CHPT1: variants seen among roughly 807,000 people sequenced by gnomAD.
CHPT1 encodes cholinephosphotransferase 1.
A neutral mutation model predicts 47.6 loss-of-function variants in CHPT1; 36 were observed. The ratio of observed to expected loss-of-function variants is 0.76; its 90% CI spans 0.58 to 1.00. The LOEUF (loss-of-function observed/expected upper bound fraction) is 1.00, where lower values mean the gene tolerates loss of function less well. CHPT1 is among the 50% of genes least tolerant of loss of function. CHPT1 has a pLI of 0.00. For missense variants in CHPT1, 458 were observed against 498.1 expected, an observed-to-expected ratio of 0.92 and a Z score of 0.77; for synonymous variants, 194 against 186.3, an observed-to-expected ratio of 1.04 and a Z score of -0.33.
intron 5 of CHPT1, among the ~76,000 whole-genome samples, chr12:101,721,426 T>C (rs1326385968): frequency 6.6e-6 from 1 of 152,230 alleles, no homozygotes; most frequent in Non-Finnish European, 1.5e-5. Context: ...ACATTAGATA[T>C]AGCATTTTTA....
At position 101,697,964 on chromosome 12, in the gene CHPT1, A is replaced by G; in HGVS notation, c.103A>G (p.Ser35Gly). The change falls in exon 1 of 9, where the codon AGC (serine) becomes GGC (glycine). Residue 35 changes from serine to glycine, a missense_variant. Ser to Gly is a moderately conservative substitution (Grantham distance 56, BLOSUM62 0). Coordinates refer to ENST00000229266, the MANE Select transcript of CHPT1 (RefSeq NM_020244.3). ...QLRRLEEHRY[S>G]AAGVSLLEPP... Reference sequence around the variant, plus strand: ...GCGGCGACTGGAGGAGCACCGCTACAGCGCGGCGGGCGTCTCGCTGCTCGA... The same window carrying G: ...GCGGCGACTGGAGGAGCACCGCTACGGCGCGGCGGGCGTCTCGCTGCTCGA... 5 of 1,538,540 alleles carry G rather than the reference A, an allele frequency of 3.2e-6. No individual in the cohort carries two copies. Among genetic ancestry groups the G allele is most frequent in the Admixed American group, 1.9e-5 (1 of 51,572 alleles).
intron 5 of CHPT1, among the ~76,000 whole-genome samples, 155 bp from the exon 6 acceptor site, chr12:101,723,013 G>A (rs1345500961): frequency 2.0e-5 from 3 of 152,194 alleles, no homozygotes; most frequent in Non-Finnish European, 4.4e-5. Context: ...ATGAAACCTT[G>A]GAAAGCACAA....
chr12:101,717,947 T>C (rs1183369213), intron 4 of CHPT1, among the ~76,000 whole-genome samples: 2 of 152,324 alleles, frequency 1.3e-5, no homozygotes, highest in African/African-American at 4.8e-5. Context: ...AAAGAAGTTA[T>C]GCGAGGAACT....
At chr12:101,728,778 A>G in intron 8 of CHPT1, 123 bp from the exon 9 acceptor site, 1 of 1,103,288 alleles carries the variant, frequency 9.1e-7, no homozygotes, top group Non-Finnish European at 1.3e-6. Flanking sequence ...TTTAGATTTG[A>G]CTTAACAGAA....
intron 4 of CHPT1, chr12:101,717,300 AT>A (rs1421355231): frequency 4.4e-6 from 2 of 455,108 alleles, no homozygotes; most frequent in South Asian, 3.1e-5. Flanking sequence ...CAGTAGTTTC[AT>A]AAAAGTTGGC....
chr12:101,725,456 T>A (rs969290363), intron 7 of CHPT1, among the ~76,000 whole-genome samples: 2 of 152,150 alleles, frequency 1.3e-5, no homozygotes, highest in African/African-American at 4.8e-5. Flanking sequence ...TTTCTTTTAG[T>A]GAACTTAGGT....
chr12:101,699,568 A>G (rs1297123300), intron 1 of CHPT1, among the ~76,000 whole-genome samples: 1 of 151,870 alleles, frequency 6.6e-6, no homozygotes. Context: ...TTGTATTTTT[A>G]GTAGAGACGG....
At chr12:101,700,172 A>G (rs1951531778) in intron 1 of CHPT1, among the ~76,000 whole-genome samples, 1 of 152,190 alleles carries the variant, frequency 6.6e-6, no homozygotes, top group Non-Finnish European at 1.5e-5. Context: ...GGACTCTTCA[A>G]TGTTATTATT....
intron 1 of CHPT1, among the ~76,000 whole-genome samples, chr12:101,712,306 C>A (rs1348855359): frequency 6.7e-6 from 1 of 148,610 alleles, no homozygotes; most frequent in Non-Finnish European, 1.5e-5. Context: ...TAGGTGTGAG[C>A]CGCCGAACCT....
At position 101,721,650 on chromosome 12, in the gene CHPT1, T is replaced by C. The variant is rs73392420; in HGVS notation, c.780+1396T>C. 6.2e-3 allele frequency among the ~76,000 whole-genome samples: 948 copies of C among 152,312 alleles called. 14 individuals carry two copies. The highest frequency in any genetic ancestry group is 0.021 in the African/African-American group (865 of 41,572). On this transcript the variant is annotated intron_variant, in intron 5 of 8. Coordinates refer to ENST00000229266, the MANE Select transcript of CHPT1 (RefSeq NM_020244.3). ...GGTGTTTTGTCAGTTGATCTCAGTA[T>C]AGTACTGTGCTTAGGAATACATGTT... is the stretch of plus-strand genomic sequence containing the variant.
intron 1 of CHPT1, among the ~76,000 whole-genome samples, chr12:101,702,918 C>T (rs1951574314): frequency 6.6e-6 from 1 of 152,256 alleles, no homozygotes; most frequent in Admixed American, 6.5e-5. Flanking sequence ...TCCTTAACTT[C>T]TGCAGCCATG....
chr12:101,723,373 C>A, intron 6 of CHPT1, 47 bp downstream of exon 6: 1 of 1,120,740 alleles, frequency 8.9e-7, no homozygotes, highest in Non-Finnish European at 1.3e-6. Context: ...ACTTAGTCGT[C>A]AAACACAAAG....
chr12:101,698,071 G>T lies in CHPT1; in HGVS notation c.210G>T (p.Gly70=). 1 of 1,569,798 alleles carries T rather than the reference G, an allele frequency of 6.4e-7. No homozygotes were observed. The highest frequency in any genetic ancestry group is 8.6e-7 in the Non-Finnish European group (1 of 1,166,266). The part of the protein sequence containing the change: ...WMAPNSITLL[G]LAVNVVTTLV... ...CCCCCAACTCCATCACCCTGCTGGGGCTCGCCGTCAACGTGGTCACCACGC... is the reference window on the plus strand; with the variant it reads ...CCCCCAACTCCATCACCCTGCTGGGTCTCGCCGTCAACGTGGTCACCACGC... The change falls in exon 1 of 9, where the codon GGG becomes GGT. Residue 70 remains glycine (G), a synonymous_variant. Transcript: ENST00000229266.
chr12:101,710,904 T>C lies in CHPT1; in HGVS notation c.274-3186T>C, dbSNP rs767025893. Among the ~76,000 whole-genome samples the C allele has an allele frequency of 5.9e-4, 88 of 148,892 alleles. 12 individuals are homozygous for C. The highest frequency in any genetic ancestry group is 7.3e-3 in the Middle Eastern group (2 of 274). ...TAACTTCAATGTCCAATTTTACATA[T>C]GTTTGACGTGTAACTTTGCTTTCCT... is the stretch of plus-strand genomic sequence containing the variant. On this transcript the variant is annotated intron_variant, in intron 1 of 8. Coordinates refer to ENST00000229266, the MANE Select transcript of CHPT1 (RefSeq NM_020244.3).
chr12:101,714,489 C>CT lies in CHPT1; in HGVS notation c.422-12dup, dbSNP rs1566039198. 6.3e-7 allele frequency: 1 copy of CT among 1,585,262 alleles called. No individual in the cohort carries two copies. The highest frequency in any genetic ancestry group is 8.5e-7 in the Non-Finnish European group (1 of 1,169,692). ...TTTTTAATTCTTAATGATTCTTAAACTTTGTTTCTTTCAGTATTTATGGCA... is the reference window on the plus strand; with the variant it reads ...TTTTTAATTCTTAATGATTCTTAAACTTTTGTTTCTTTCAGTATTTATGGCA... On this transcript the variant is annotated splice_polypyrimidine_tract_variant and intron_variant, in intron 2 of 8. Coordinates refer to ENST00000229266, the MANE Select transcript of CHPT1 (RefSeq NM_020244.3).
intron 3 of CHPT1, among the ~76,000 whole-genome samples, chr12:101,715,807 G>A (rs1951755799): frequency 6.6e-6 from 1 of 152,156 alleles, no homozygotes; most frequent in Non-Finnish European, 1.5e-5. Flanking sequence ...CTAGGAAGGA[G>A]CGTGAGAAGA....
At chr12:101,716,661 G>A in intron 3 of CHPT1, 67 bp from the exon 4 acceptor site, 5 of 948,758 alleles carry the variant, frequency 5.3e-6, no homozygotes, top group Non-Finnish European at 8.1e-6. Flanking sequence ...TTTAATATGT[G>A]ATGAACCTCC....
chr12:101,703,217 T>C (rs562359895), intron 1 of CHPT1, among the ~76,000 whole-genome samples: 1 of 152,272 alleles, frequency 6.6e-6, no homozygotes, highest in South Asian at 2.1e-4. Context: ...CCAGTACAGT[T>C]GATGTGGATG....
chr12:101,725,121 T>C (rs1311248055), intron 7 of CHPT1, among the ~76,000 whole-genome samples: 2 of 152,198 alleles, frequency 1.3e-5, no homozygotes, highest in Non-Finnish European at 2.9e-5. Flanking sequence ...AATCTGTATC[T>C]ATTCTGTGCA....
Sources: gnomAD v4.1 joint callset for allele counts (sites outside exome capture counted in the v4.1 genomes callset) on GRCh38, gnomAD v4.1.1 for gene constraint, MANE v1.5 for transcripts, NCBI Gene and HGNC (gene_info 2026-07-23, HGNC 2026-07-21) for gene names.